ITPKB: variants seen among roughly 807,000 people sequenced by gnomAD.
The protein encoded by ITPKB is inositol-trisphosphate 3-kinase B, also known as IP3 3-kinase B.
Under a neutral mutation model 69.4 loss-of-function variants are expected in ITPKB, and 13 were observed. The observed-to-expected ratio is 0.19, with a 90% CI of 0.12 to 0.30. The LOEUF is 0.30. Ranked by LOEUF, ITPKB falls within the 10% of genes least tolerant of loss-of-function variation. The pLI is 1.00. For missense variants in ITPKB, 1,240 were observed against 1,250.5 expected (o/e 0.99, Z 0.13); for synonymous variants, 584 against 513.7 (o/e 1.14, Z -1.85).
intron 2 of ITPKB, among the ~76,000 whole-genome samples, chr1:226,710,814 CCT>C (rs1656929089): frequency 6.6e-6 from 1 of 152,206 alleles, no homozygotes; most frequent in Non-Finnish European, 1.5e-5. Context: ...CACCCAGGCC[CCT>C]GATGGGATCA....
chr1:226,655,406 C>T (rs1376463090), intron 2 of ITPKB, among the ~76,000 whole-genome samples: 3 of 152,318 alleles, frequency 2.0e-5, no homozygotes, highest in Admixed American at 2.0e-4. Context: ...GCAGGTGACC[C>T]CAGGCCTGCA....
intron 2 of ITPKB, among the ~76,000 whole-genome samples, chr1:226,660,368 C>T (rs1669378851): frequency 6.6e-6 from 1 of 152,238 alleles, no homozygotes; most frequent in Non-Finnish European, 1.5e-5. Context: ...TAGGAGCTGG[C>T]ATCAAAGGGG....
At chr1:226,643,783 A>G (rs1156415727) in intron 4 of ITPKB, among the ~76,000 whole-genome samples, 1 of 152,170 alleles carries the variant, frequency 6.6e-6, no homozygotes, top group African/African-American at 2.4e-5. Context: ...GGGCCCTTGC[A>G]TGCACACACA....
chr1:226,658,869 G>A lies in ITPKB; in HGVS notation c.1933-10098C>T, dbSNP rs1669347833. Reference sequence around the variant, plus strand: ...GGATGATGGGTCCTTACCAGCCCCTGCAGACCGGGACCCCCTGCAGGGGCT... The same window carrying A: ...GGATGATGGGTCCTTACCAGCCCCTACAGACCGGGACCCCCTGCAGGGGCT... On this transcript the variant is annotated intron_variant, in intron 2 of 7. Coordinates refer to ENST00000429204, the MANE Select transcript of ITPKB (RefSeq NM_002221.4). 4.6e-5 allele frequency among the ~76,000 whole-genome samples: 7 copies of A among 152,284 alleles called. 1 individual carries two copies. The South Asian group carries it at 1.4e-3, about 32-fold the overall frequency.
chr1:226,679,553 G>C (rs1337465698), intron 2 of ITPKB, among the ~76,000 whole-genome samples: 1 of 152,222 alleles, frequency 6.6e-6, no homozygotes, highest in African/African-American at 2.4e-5. Context: ...GAGTTGTGGG[G>C]ACTAACCTAA....
intron 2 of ITPKB, among the ~76,000 whole-genome samples, chr1:226,693,163 C>T (rs1656398559): frequency 6.6e-6 from 1 of 152,236 alleles, no homozygotes; most frequent in Admixed American, 6.5e-5. Context: ...GGTGAGCAGA[C>T]AGCACCCAGC....
chr1:226,694,008 T>C (rs942530290), intron 2 of ITPKB, among the ~76,000 whole-genome samples: 23 of 152,228 alleles, frequency 1.5e-4, no homozygotes, highest in African/African-American at 5.5e-4. Flanking sequence ...TGGGTAACTA[T>C]TTGCCTAACA....
intron 2 of ITPKB, among the ~76,000 whole-genome samples, chr1:226,683,649 T>G (rs1281769092): frequency 1.3e-5 from 2 of 152,100 alleles, no homozygotes; most frequent in Non-Finnish European, 2.9e-5. Flanking sequence ...GCAACTAATC[T>G]AAGCTCTAGC....
chr1:226,667,754 GA>G (rs982271919), intron 2 of ITPKB, among the ~76,000 whole-genome samples: 19 of 152,070 alleles, frequency 1.2e-4, no homozygotes, highest in African/African-American at 4.6e-4. Flanking sequence ...GAGAAAAAGG[GA>G]AAAAATTAAA....
intron 2 of ITPKB, among the ~76,000 whole-genome samples, chr1:226,658,148 C>T (rs760088746): frequency 6.6e-6 from 1 of 152,136 alleles, no homozygotes; most frequent in Non-Finnish European, 1.5e-5. Flanking sequence ...TCCTTTTTTC[C>T]TTCCTTCTTC....
rs1029537100 is a variant in ITPKB at position 226,738,213 on chromosome 1, C to G, written c.-205-550G>C. ...CCTTGCCCGAGCCGCTGCCAGCGCC[C>G]GGATCTGGGAGGGCGCCCGCGTGCC... On this transcript the variant is annotated intron_variant, in intron 1 of 7. Coordinates refer to ENST00000429204, the MANE Select transcript of ITPKB (RefSeq NM_002221.4). The surrounding 1 kb of genome is among the most constrained non-coding windows in gnomAD (Gnocchi z 4.2). Among the ~76,000 whole-genome samples the G allele has an allele frequency of 6.6e-6, 1 of 152,014 alleles. No homozygotes were observed. The highest frequency in any genetic ancestry group is 2.4e-5 in the African/African-American group (1 of 41,392).
At chr1:226,730,121 T>G (rs561804074) in intron 2 of ITPKB, among the ~76,000 whole-genome samples, 1 of 152,194 alleles carries the variant, frequency 6.6e-6, no homozygotes, top group African/African-American at 2.4e-5. Flanking sequence ...CTAGTCAAAT[T>G]TGACTACAAG....
At chr1:226,649,545 CGTGT>C (rs563404887) in intron 2 of ITPKB, among the ~76,000 whole-genome samples, 3 of 142,210 alleles carry the variant, frequency 2.1e-5, no homozygotes, top group Non-Finnish European at 4.5e-5. Flanking sequence ...TGTGTGCATG[CGTGT>C]GTGATATGCA....
intron 2 of ITPKB, among the ~76,000 whole-genome samples, chr1:226,655,602 C>T (rs995262419): frequency 2.0e-5 from 3 of 152,226 alleles, no homozygotes; most frequent in African/African-American, 7.2e-5. Flanking sequence ...AGAGTCTGGC[C>T]TTGCTTCCTG....
intron 2 of ITPKB, among the ~76,000 whole-genome samples, chr1:226,711,145 A>G (rs955527338): frequency 6.6e-6 from 1 of 152,152 alleles, no homozygotes; most frequent in Admixed American, 6.5e-5. Context: ...CAATTAACTG[A>G]GGGTGCTCAG....
intron 2 of ITPKB, among the ~76,000 whole-genome samples, chr1:226,659,403 G>C (rs570720658): frequency 6.6e-6 from 1 of 152,098 alleles, no homozygotes; most frequent in East Asian, 2.0e-4. Flanking sequence ...CCCCAGATAC[G>C]GCCCCACACT....
chr1:226,724,605 G>A (rs1333012634), intron 2 of ITPKB, among the ~76,000 whole-genome samples: 1 of 152,162 alleles, frequency 6.6e-6, no homozygotes, highest in East Asian at 1.9e-4. Context: ...TGCAACTGAG[G>A]AGCAGAAAGT....
At chr1:226,706,725 AG>A (rs1047815775) in intron 2 of ITPKB, among the ~76,000 whole-genome samples, 7 of 152,216 alleles carry the variant, frequency 4.6e-5, no homozygotes, top group African/African-American at 1.7e-4. Flanking sequence ...TGGGAGGAGG[AG>A]GAGGATACCA....
At chr1:226,658,679 C>T (rs1669343575) in intron 2 of ITPKB, among the ~76,000 whole-genome samples, 1 of 152,204 alleles carries the variant, frequency 6.6e-6, no homozygotes, top group South Asian at 2.1e-4. Flanking sequence ...TTCCCGCAGG[C>T]TGGATGGCAC....
Sources: gnomAD v4.1 joint callset for allele counts (sites outside exome capture counted in the v4.1 genomes callset) on GRCh38, gnomAD v4.1.1 for gene constraint, Gnocchi (gnomAD v3.1) non-coding constraint, MANE v1.5 for transcripts, NCBI Gene and HGNC (gene_info 2026-07-23, HGNC 2026-07-21) for gene names.